ZFC3H1: variants seen among roughly 807,000 people sequenced by gnomAD.
The protein encoded by ZFC3H1 is zinc finger C3H1-type containing.
A neutral mutation model predicts 243.7 loss-of-function variants in ZFC3H1; 71 were observed. The ratio of observed to expected loss-of-function variants is 0.29; its 90% confidence interval spans 0.24 to 0.36. The LOEUF is 0.36. Among genes scored for constraint, ZFC3H1 ranks in the 10% least tolerant of loss-of-function variants. The probability of loss-of-function intolerance (pLI) is 1.00; values close to 1 mark genes in which losing one functional copy is unlikely to be tolerated. For synonymous variants in ZFC3H1, 838 were observed against 813.0 expected (o/e 1.03, Z -0.52); for missense variants, 1,966 against 2,317.1 (o/e 0.85, Z 3.11).
In ZFC3H1 at chr12:71,647,826, A is replaced by G; in HGVS notation, c.1016-13T>C. 1 of 1,105,940 alleles carries G rather than the reference A, an allele frequency of 9.0e-7. No homozygotes were observed. Among genetic ancestry groups the G allele is most frequent in the African/African-American group, 1.6e-5 (1 of 61,578 alleles). 68.5% of individuals were successfully genotyped at this position (1,105,940 alleles called of 1,614,324 possible). ...TTATCTTGTAATCCTTTAAAATAAA[A>G]TAATATCTTTTGAATAATCCAAAAG... On this transcript the variant is annotated splice_polypyrimidine_tract_variant and intron_variant, in intron 2 of 34. Transcript: ENST00000378743.
In ZFC3H1 at chr12:71,632,114, T is replaced by C. The variant is rs1309045699; in HGVS notation, c.3218A>G (p.Asn1073Ser). Residue 1073 changes from asparagine to serine, a missense_variant, in exon 15 of 35, where the codon AAT (asparagine) becomes AGT (serine). Physicochemically the swap from Asn to Ser is conservative, Grantham distance 46 (BLOSUM62 1). Transcript: ENST00000378743. ...TANKECINKL[N>S]KNTVEKPELF... ...TTCTGGTTTTTCTACAGTATTTTTA[T>C]TAAGTTTGTTTATGCATTCTTTGTT... The C allele has an allele frequency of 1.9e-6, 3 of 1,610,276 alleles. No homozygotes were observed. Among genetic ancestry groups the C allele is most frequent in the African/African-American group, 1.3e-5 (1 of 74,518 alleles).
chr12:71,636,906 G>C lies in ZFC3H1; in HGVS notation c.1879C>G (p.Leu627Val). The change falls in exon 8 of 35, where the codon CTG becomes GTG. Residue 627 changes from leucine (L) to valine (V), a missense_variant. Leu to Val is a conservative substitution (Grantham distance 32, BLOSUM62 1). Transcript: ENST00000378743. ...GATTTAAGTAGTTCTTCTCGAAGCA[G>C]CATTTCTTCCTCCTCTTCCTCATCT... ...FADEEEEEEMLLREELLKSLA... is the reference protein window; with the variant it reads ...FADEEEEEEMVLREELLKSLA... 6.2e-7 allele frequency: 1 copy of C among 1,614,006 alleles called. No homozygotes were observed. Among genetic ancestry groups the C allele is most frequent in the Non-Finnish European group, 8.5e-7 (1 of 1,179,958 alleles).
chr12:71,611,126 T>C lies in ZFC3H1; in HGVS notation c.5730-29A>G, dbSNP rs181724913. The C allele has an allele frequency of 2.2e-3, 3,165 of 1,469,930 alleles. 8 individuals are homozygous for C. Among genetic ancestry groups the C allele is most frequent in the Non-Finnish European group, 2.5e-3 (2,725 of 1,104,900 alleles). 91.1% of individuals were successfully genotyped at this position (1,469,930 alleles called of 1,614,324 possible). The stretch of plus-strand genomic sequence containing the variant: ...AGAGAAAAAAAAAAAAAAAGAAATA[T>C]AGAAAAAGGAAAAGAAAAATTTATA... On this transcript the variant is annotated intron_variant, in intron 32 of 34. Coordinates refer to ENST00000378743, the MANE Select transcript of ZFC3H1 (RefSeq NM_144982.5).
At chr12:71,633,230 T>C in intron 13 of ZFC3H1, 34 bp downstream of exon 13, 8 of 1,532,230 alleles carry the variant, frequency 5.2e-6, no homozygotes, top group Non-Finnish European at 6.1e-6. Flanking sequence ...AAATGTGTAG[T>C]AAACAGGAGA....
intron 2 of ZFC3H1, among the ~76,000 whole-genome samples, chr12:71,656,014 G>T (rs1881008507): frequency 6.6e-6 from 1 of 152,144 alleles, no homozygotes; most frequent in Admixed American, 6.5e-5. Flanking sequence ...TATGCTCAAT[G>T]AAAGAAGCTA....
At position 71,634,631 on chromosome 12, in the gene ZFC3H1, C is replaced by G. The variant is rs559219006; in HGVS notation, c.2360+73G>C. ...AACTATCATCACTCATTCCCCAGTG[C>G]CAAGAAACTCTATAAGAGAAGTTTT... On this transcript the variant is annotated intron_variant, in intron 11 of 34. Transcript: ENST00000378743. The G allele has an allele frequency of 4.1e-6, 6 of 1,472,122 alleles. No homozygotes were observed. The African/African-American group carries it at 8.5e-5, about 21-fold the overall frequency. The allele number at this position is 1,472,122 out of a possible 1,614,324, so 91.2% of individuals were successfully genotyped here.
At position 71,631,886 on chromosome 12, in the gene ZFC3H1, T is replaced by G. The variant is rs1205544761; in HGVS notation, c.3362A>C (p.Glu1121Ala). ...GACAAAATCCACATCTACAGAAATC[T>G]CCTGCAAAAGAAAATAATAATTCTG... Reference protein sequence around the residue: ...GITEKVLHGQEISVDVDFVTA... With the variant: ...GITEKVLHGQAISVDVDFVTA... Residue 1121 changes from glutamate (E) to alanine (A), a missense_variant and splice_region_variant, in exon 16 of 35, where the codon GAG becomes GCG. Glu to Ala is a moderately radical substitution (Grantham distance 107, BLOSUM62 -1). Coordinates refer to ENST00000378743, the MANE Select transcript of ZFC3H1 (RefSeq NM_144982.5). The G allele has an allele frequency of 1.2e-6, 2 of 1,609,368 alleles. No individual in the cohort carries two copies. The highest frequency in any genetic ancestry group is 2.2e-5 in the South Asian group (2 of 89,670).
In ZFC3H1 at chr12:71,624,092, C is replaced by A. The variant is rs1880097959; in HGVS notation, c.4506+12G>T. Reference sequence around the variant, plus strand: ...CTGCAAAATGCAATTAAATGCTGTACCAAGTGCTTACCTGTAAAATTGCCA... The same window carrying A: ...CTGCAAAATGCAATTAAATGCTGTAACAAGTGCTTACCTGTAAAATTGCCA... On this transcript the variant is annotated intron_variant, in intron 23 of 34. Transcript: ENST00000378743. The A allele has an allele frequency of 1.2e-6, 2 of 1,606,310 alleles. No individual in the cohort carries two copies. The highest frequency in any genetic ancestry group is 1.7e-6 in the Non-Finnish European group (2 of 1,176,798).
Position 71,624,198 on chromosome 12 carries a change from T to G in ZFC3H1, c.4412A>C (p.Asn1471Thr). The G allele has an allele frequency of 1.2e-6, 2 of 1,614,088 alleles. No homozygotes were observed. The highest frequency in any genetic ancestry group is 2.7e-5 in the African/African-American group (2 of 75,058). Reference sequence around the variant, plus strand: ...CTCTAAAAGCTGAAAGGACAAAATATTGGATGTTTCCTGCTTGGCTGCTCC... The same window carrying G: ...CTCTAAAAGCTGAAAGGACAAAATAGTGGATGTTTCCTGCTTGGCTGCTCC... ...LMGAAKQETS[N>T]ILSFQLLEAL... Residue 1471 changes from asparagine to threonine, a missense_variant, in exon 23 of 35, where the codon AAT becomes ACT. Physicochemically the swap from Asn to Thr is moderately conservative, Grantham distance 65. Transcript: ENST00000378743.
intron 28 of ZFC3H1, 56 bp from the exon 29 acceptor site, chr12:71,614,994 G>C: frequency 7.0e-7 from 1 of 1,427,296 alleles, no homozygotes; most frequent in South Asian, 1.2e-5. Context: ...TCAGGTGAAG[G>C]AATGACAAAG....
Position 71,630,738 on chromosome 12 carries a change from C to T in ZFC3H1, c.3603-17G>A. The stretch of plus-strand genomic sequence containing the variant: ...ATATGCTGCCTAAGATAAAAAAAAA[C>T]ACAGAAAAGATAATCATGTACATAT... On this transcript the variant is annotated splice_polypyrimidine_tract_variant and intron_variant, in intron 17 of 34. Coordinates refer to ENST00000378743, the MANE Select transcript of ZFC3H1 (RefSeq NM_144982.5). The T allele has an allele frequency of 3.1e-6, 5 of 1,602,658 alleles. No homozygotes were observed. Among genetic ancestry groups the T allele is most frequent in the Non-Finnish European group, 4.2e-6 (5 of 1,176,650 alleles).
At chr12:71,640,854 A>G (rs1256820741) in intron 6 of ZFC3H1, among the ~76,000 whole-genome samples, 2 of 151,624 alleles carry the variant, frequency 1.3e-5, no homozygotes, top group Non-Finnish European at 2.9e-5. Flanking sequence ...ACCGTATTTG[A>G]ATTCTCTTGG....
intron 21 of ZFC3H1, among the ~76,000 whole-genome samples, chr12:71,626,772 C>T (rs1179304760): frequency 6.6e-6 from 1 of 152,184 alleles, no homozygotes; most frequent in Admixed American, 6.5e-5. Flanking sequence ...TTATGATTTA[C>T]ACCATTTGGG....
chr12:71,651,659 A>C (rs1471900097), intron 2 of ZFC3H1, among the ~76,000 whole-genome samples: 1 of 152,218 alleles, frequency 6.6e-6, no homozygotes, highest in East Asian at 1.9e-4. Context: ...AATGAGAAGT[A>C]AAGTCAAAAG....
chr12:71,646,897 T>C (rs1880744085), intron 3 of ZFC3H1, among the ~76,000 whole-genome samples: 1 of 152,224 alleles, frequency 6.6e-6, no homozygotes, highest in Non-Finnish European at 1.5e-5. Flanking sequence ...TCAGACAAGC[T>C]CATTAAATTA....
rs1297476117 is a variant in ZFC3H1, at chr12:71,619,937, A to G, written c.5038T>C (p.Phe1680Leu). 6.3e-7 allele frequency: 1 copy of G among 1,581,032 alleles called. No homozygotes were observed. Among genetic ancestry groups the G allele is most frequent in the African/African-American group, 1.4e-5 (1 of 73,532 alleles). The change falls in exon 26 of 35, where the codon TTC becomes CTC. Residue 1680 changes from phenylalanine (F) to leucine (L), a missense_variant. By Grantham distance (22) the Phe-to-Leu change is conservative. Around this residue, in one of 4 missense-constraint regions of ZFC3H1, gnomAD observed 1,383 missense variants for 1,723.7 expected, o/e 0.80. Transcript: ENST00000378743. ...AEVFYHMCKF[F>L]ILQNRGDNLL... ...TGCATCATTTTTACCTGTAAGATGA[A>G]GAATTTGCACATATGATAAAAAACC...
At position 71,663,225 on chromosome 12, in the gene ZFC3H1, G is replaced by A; in HGVS notation, c.386C>T (p.Pro129Leu). 7 of 1,613,996 alleles carry A rather than the reference G, an allele frequency of 4.3e-6. No individual in the cohort carries two copies. The highest frequency in any genetic ancestry group is 5.9e-6 in the Non-Finnish European group (7 of 1,180,038). The change falls in exon 1 of 35, where the codon CCC (proline) becomes CTC (leucine). Residue 129 changes from proline to leucine, a missense_variant. Pro to Leu is a moderately conservative substitution (Grantham distance 98). This residue lies in a region of ZFC3H1 where 484 missense variants were observed against 449.7 expected (regional missense o/e 1.08). Coordinates refer to ENST00000378743, the MANE Select transcript of ZFC3H1 (RefSeq NM_144982.5). ...MPSSSLSESS[P>L]RPSFWERSHL... ...GCTCCGCTCCCAGAAAGACGGCCGG[G>A]GACTGCTTTCGGACAGTGAGCTCGA...
intron 21 of ZFC3H1, 127 bp from the exon 22 acceptor site, chr12:71,626,573 C>G (rs1201605161): frequency 3.5e-6 from 3 of 868,884 alleles, no homozygotes; most frequent in Non-Finnish European, 5.0e-6. Context: ...GTCAGGATCA[C>G]TTATGAAAAG....
rs1879733888 is a variant in ZFC3H1, at chr12:71,610,211, T to C, written c.*217A>G. 1 of 483,840 alleles carries C rather than the reference T, an allele frequency of 2.1e-6. No individual in the cohort carries two copies. The highest frequency in any genetic ancestry group is 3.5e-5 in the South Asian group (1 of 28,402). The allele number at this position is 483,840 out of a possible 1,614,324, so 30.0% of individuals were successfully genotyped here. On this transcript the variant is annotated 3_prime_UTR_variant, in exon 35 of 35. Coordinates refer to ENST00000378743, the MANE Select transcript of ZFC3H1 (RefSeq NM_144982.5). ...GATGTTATGAGAATCTGGCAGGGCC[T>C]AGAAGCAGGCCAAACAGGAAGTTCA...
Sources: allele counts gnomAD v4.1 joint callset (sites outside exome capture counted in the v4.1 genomes callset), GRCh38; gene constraint gnomAD v4.1.1; regional missense constraint gnomAD v4.1.1; transcripts MANE v1.5; gene names NCBI Gene and HGNC (gene_info 2026-07-23, HGNC 2026-07-21).